Variants in ZNF536 observed in about 807,000 individuals in gnomAD.
The protein encoded by ZNF536 is zinc finger protein 536.
ZNF536 carries 13 observed loss-of-function variants against 84.5 expected under a neutral mutation model. The observed-to-expected ratio is 0.15, with a 90% confidence interval of 0.10 to 0.24. The LOEUF is 0.24. Among genes scored for constraint, ZNF536 ranks in the 10% least tolerant of loss-of-function variants. The probability of loss-of-function intolerance (pLI) is 1.00; values close to 1 mark genes in which losing one functional copy is unlikely to be tolerated. For synonymous variants in ZNF536, 811 were observed against 742.5 expected (o/e 1.09, Z -1.50); for missense variants, 1,536 against 1,747.5 (o/e 0.88, Z 2.16).
intron 1 of ZNF536, among the ~76,000 whole-genome samples, chr19:30,440,987 C>G (rs1365449005): frequency 6.6e-6 from 1 of 152,154 alleles, no homozygotes; most frequent in Admixed American, 6.5e-5. Flanking sequence ...TCTGAAAACT[C>G]TCACATTCCT....
At chr19:30,294,058 T>C (rs2045923649) in intron 2 of ZNF536, among the ~76,000 whole-genome samples, 1 of 152,218 alleles carries the variant, frequency 6.6e-6, no homozygotes, top group Non-Finnish European at 1.5e-5. Flanking sequence ...TCATTTGACC[T>C]TGAGTTCCCT....
intron 1 of ZNF536, among the ~76,000 whole-genome samples, chr19:30,581,687 C>A (rs1482335550): frequency 6.6e-6 from 1 of 151,948 alleles, no homozygotes; most frequent in Non-Finnish European, 1.5e-5. Flanking sequence ...CCTGTAATCT[C>A]AGCACTTTGG....
chr19:30,707,256 C>T (rs2052280084), intron 1 of ZNF536, among the ~76,000 whole-genome samples: 1 of 152,204 alleles, frequency 6.6e-6, no homozygotes, highest in Non-Finnish European at 1.5e-5. Context: ...TTGCCCATCC[C>T]ATTGCCTCTG....
At chr19:30,398,193 C>T (rs2049898744) in intron 1 of ZNF536, among the ~76,000 whole-genome samples, 1 of 152,136 alleles carries the variant, frequency 6.6e-6, no homozygotes, top group African/African-American at 2.4e-5. Flanking sequence ...TCCGTAACCA[C>T]TGCCTTTATT....
At chr19:30,292,320 G>GTT (rs61202726) in intron 2 of ZNF536, among the ~76,000 whole-genome samples, 2 of 144,406 alleles carry the variant, frequency 1.4e-5, no homozygotes, top group East Asian at 4.0e-4. Context: ...CTAGGGAACT[G>GTT]TTTTTTTTTT....
intron 4 of ZNF536, among the ~76,000 whole-genome samples, chr19:30,553,802 C>A (rs1049868258): frequency 6.6e-6 from 1 of 152,126 alleles, no homozygotes; most frequent in South Asian, 2.1e-4. Flanking sequence ...TGCACTCGAG[C>A]CTGGGTGACA....
chr19:30,488,093 C>T lies in ZNF536; in HGVS notation c.2170+42361C>T, dbSNP rs187585398. Among the ~76,000 whole-genome samples the T allele has an allele frequency of 3.7e-4, 56 of 152,318 alleles. 1 individual carries two copies. The East Asian group carries it at 5.0e-3, about 14-fold the overall frequency. ...CTAGGTGGTACCACTTATCTGTCTG[C>T]TCCTGAGCCCTGTTCAATTCTTCTT... On this transcript the variant is annotated intron_variant, in intron 2 of 4. Transcript: ENST00000355537.
At position 30,319,225 on chromosome 19, in the gene ZNF536, G is replaced by A. The variant is rs1470438959; in HGVS notation, c.-119-33143G>A. 2.6e-5 allele frequency among the ~76,000 whole-genome samples: 4 copies of A among 152,222 alleles called. No individual in the cohort carries two copies. In the East Asian group the frequency reaches 7.7e-4, roughly 29 times the overall value. On this transcript the variant is annotated intron_variant, in intron 2 of 5. Coordinates refer to the ZNF536 transcript ENST00000585628. ...GATGCCGGGAAGTTGGGGACACCCGGAGGCACCCTCCGATGTTCAGATGAT... is the reference window on the plus strand; with the variant it reads ...GATGCCGGGAAGTTGGGGACACCCGAAGGCACCCTCCGATGTTCAGATGAT...
chr19:30,490,023 A>G (rs542200848), intron 2 of ZNF536, among the ~76,000 whole-genome samples: 1 of 152,340 alleles, frequency 6.6e-6, no homozygotes, highest in South Asian at 2.1e-4. Flanking sequence ...TCAAACCTAC[A>G]TGCTTCCATT....
chr19:30,240,738 G>A (rs1010956315), intron 1 of ZNF536, among the ~76,000 whole-genome samples: 2 of 152,242 alleles, frequency 1.3e-5, no homozygotes, highest in Non-Finnish European at 2.9e-5. Context: ...CTCCTGAAGG[G>A]TATGAGGTAC....
chr19:30,406,276 A>G (rs2050258370), intron 1 of ZNF536, among the ~76,000 whole-genome samples: 3 of 152,172 alleles, frequency 2.0e-5, no homozygotes. Flanking sequence ...CCCAGGGAGA[A>G]ACAACCCAAG....
chr19:30,551,564 G>A (rs1599776445), intron 4 of ZNF536, among the ~76,000 whole-genome samples: 1 of 152,118 alleles, frequency 6.6e-6, no homozygotes, highest in South Asian at 2.1e-4. Context: ...TGTAAGTTGT[G>A]CCCCCCACCC....
chr19:30,483,474 C>G (rs994434972), intron 2 of ZNF536, among the ~76,000 whole-genome samples: 2 of 145,982 alleles, frequency 1.4e-5, no homozygotes, highest in Non-Finnish European at 3.0e-5. Context: ...TGAACAGACC[C>G]CACCCCACCC....
intron 3 of ZNF536, among the ~76,000 whole-genome samples, chr19:30,365,203 G>A (rs981034241): frequency 7.2e-5 from 11 of 152,134 alleles, no homozygotes; most frequent in Non-Finnish European, 1.0e-4. Context: ...AAGGACTTGC[G>A]CCAGCATTTG....
chr19:30,242,378 G>A (rs146155046), intron 1 of ZNF536, among the ~76,000 whole-genome samples: 1 of 152,122 alleles, frequency 6.6e-6, no homozygotes, highest in African/African-American at 2.4e-5. Context: ...CCAGCTTTAG[G>A]GGGTATCCGT....
chr19:30,260,159 A>T (rs2025133937), intron 1 of ZNF536, among the ~76,000 whole-genome samples: 1 of 152,168 alleles, frequency 6.6e-6, no homozygotes, highest in Admixed American at 6.5e-5. Context: ...AAAAATGTAG[A>T]GGTGACTCCG....
intron 2 of ZNF536, among the ~76,000 whole-genome samples, chr19:30,327,998 C>T (rs1352513793): frequency 2.0e-5 from 3 of 152,328 alleles, no homozygotes; most frequent in East Asian, 1.9e-4. Context: ...GTTTCCTCTT[C>T]TCTCAGATAG....
At chr19:30,274,203 G>C (rs945280943) in intron 1 of ZNF536, among the ~76,000 whole-genome samples, 1 of 152,248 alleles carries the variant, frequency 6.6e-6, no homozygotes, top group Non-Finnish European at 1.5e-5. Context: ...GTGATAATAT[G>C]TGTTCTCTAA....
intron 2 of ZNF536, among the ~76,000 whole-genome samples, chr19:30,513,235 G>A (rs941112967): frequency 6.6e-6 from 1 of 152,118 alleles, no homozygotes; most frequent in Non-Finnish European, 1.5e-5. Flanking sequence ...ATGGAAGCAG[G>A]GTGTGGCTAG....
Sources: allele counts gnomAD v4.1 joint callset (sites outside exome capture counted in the v4.1 genomes callset), GRCh38; gene constraint gnomAD v4.1.1; transcripts MANE v1.5; gene names NCBI Gene and HGNC (gene_info 2026-07-23, HGNC 2026-07-21).